Variants in SMCO2 observed in about 807,000 individuals in gnomAD.
SMCO2 encodes the protein single-pass membrane protein with coiled-coil domains 2, also known as single-pass membrane and coiled-coil domain-containing protein 2.
In SMCO2, 25 loss-of-function variants were observed where a neutral mutation model predicts 29.5. The ratio of observed to expected loss-of-function variants is 0.85; its 90% CI spans 0.62 to 1.18. SMCO2 has a LOEUF of 1.18. Ranked by LOEUF, SMCO2 falls within the 50% of genes most tolerant of loss-of-function variation. The pLI is 0.00. For synonymous variants in SMCO2, 117 were observed against 123.3 expected, an observed-to-expected ratio of 0.95 and a Z score of 0.34; for missense variants, 348 against 344.5, an observed-to-expected ratio of 1.01 and a Z score of -0.08.
At chr12:27,485,265 CTG>C (rs1949679325) in intron 4 of SMCO2, among the ~76,000 whole-genome samples, 1 of 151,882 alleles carries the variant, frequency 6.6e-6, no homozygotes, top group East Asian at 1.9e-4. Context: ...ATCTCAGACA[CTG>C]TAGTTTGTGT....
chr12:27,475,867 CTTTTG>C, intron 4 of SMCO2, 136 bp downstream of exon 5: 5 of 964,250 alleles, frequency 5.2e-6, no homozygotes, highest in Admixed American at 3.9e-5. Context: ...ATCTGTTTAT[CTTTTG>C]CTCATTTAAA....
chr12:27,471,944 T>C (rs1949544375), intron 2 of SMCO2, among the ~76,000 whole-genome samples: 1 of 152,204 alleles, frequency 6.6e-6, no homozygotes, highest in South Asian at 2.1e-4. Flanking sequence ...TTCCAATAGA[T>C]ATGCTGTGCA....
At chr12:27,427,539 C>A in the SMCO2 span, among the ~76,000 whole-genome samples, 1 of 152,126 alleles carries the variant, frequency 6.6e-6, no homozygotes, top group African/African-American at 2.4e-5. Context: ...GCTTATTTTG[C>A]CTTCCGTTTA....
chr12:27,434,661 G>GA, the SMCO2 span, among the ~76,000 whole-genome samples: 9 of 151,934 alleles, frequency 5.9e-5, no homozygotes, highest in African/African-American at 1.9e-4. Flanking sequence ...AAAACAAGAA[G>GA]AAAAAAATAC....
intron 4 of SMCO2, among the ~76,000 whole-genome samples, chr12:27,478,229 T>C (rs890212047): frequency 2.6e-5 from 4 of 152,194 alleles, no homozygotes; most frequent in Admixed American, 2.0e-4. Flanking sequence ...TGTGCTTATT[T>C]GTGGAGGCTG....
upstream of SMCO2, among the ~76,000 whole-genome samples, chr12:27,462,989 G>A (rs1189333857): frequency 2.0e-5 from 3 of 152,176 alleles, no homozygotes; most frequent in Admixed American, 6.5e-5. Context: ...TGGCTGGCAG[G>A]TGGGACAAGC....
chr12:27,454,214 G>A, the SMCO2 span, among the ~76,000 whole-genome samples: 1 of 152,128 alleles, frequency 6.6e-6, no homozygotes, highest in Non-Finnish European at 1.5e-5. Flanking sequence ...AAACTCCTGG[G>A]CTCAAGTGAT....
the SMCO2 span, among the ~76,000 whole-genome samples, chr12:27,452,305 A>G: frequency 3.3e-5 from 5 of 152,154 alleles, no homozygotes; most frequent in African/African-American, 4.8e-5. Context: ...AATAACATAC[A>G]TTGTACCCAT....
At chr12:27,477,542 C>T (rs1242799396) in intron 4 of SMCO2, among the ~76,000 whole-genome samples, 1 of 145,058 alleles carries the variant, frequency 6.9e-6, no homozygotes, top group Non-Finnish European at 1.5e-5. Context: ...CCTTTGCCCA[C>T]TTATTCTCTA....
chr12:27,461,578 G>A, the SMCO2 span, among the ~76,000 whole-genome samples: 1 of 152,172 alleles, frequency 6.6e-6, no homozygotes, highest in Non-Finnish European at 1.5e-5. Context: ...AGAACCCACG[G>A]ATAAGGAGAG....
intron 4 of SMCO2, among the ~76,000 whole-genome samples, chr12:27,484,491 G>C (rs965541097): frequency 2.0e-5 from 3 of 152,172 alleles, no homozygotes; most frequent in Non-Finnish European, 2.9e-5. Flanking sequence ...TAGTTTTGCA[G>C]AGTATATAAT....
At chr12:27,471,522 A>T (rs1201080965) in intron 2 of SMCO2, among the ~76,000 whole-genome samples, 2 of 152,094 alleles carry the variant, frequency 1.3e-5, no homozygotes, top group African/African-American at 4.8e-5. Flanking sequence ...ATTTATTGTG[A>T]CCCATTCAAA....
chr12:27,490,200 A>G (rs1949723961), intron 5 of SMCO2, among the ~76,000 whole-genome samples: 1 of 152,242 alleles, frequency 6.6e-6, no homozygotes, highest in African/African-American at 2.4e-5. Context: ...CTTCTGATTG[A>G]CCCAACAACA....
intron 4 of SMCO2, among the ~76,000 whole-genome samples, chr12:27,485,515 T>A (rs2135563443): frequency 6.6e-6 from 1 of 151,310 alleles, no homozygotes; most frequent in South Asian, 2.1e-4. Flanking sequence ...AGTGGCGTGA[T>A]CTTGGCTCAC....
rs1178356428 is a variant in SMCO2, at chr12:27,494,435, A to G, written c.507+79A>G. ...TAAATACAGGGGTCATTCATTGCCT[A>G]GAATATGACGGTGCACCACATACTA... On this transcript the variant is annotated intron_variant, in intron 6 of 7. Transcript: ENST00000298876. 1.9e-5 allele frequency: 16 copies of G among 860,008 alleles called. No individual in the cohort carries two copies. In the Admixed American group the frequency reaches 5.6e-4, roughly 30 times the overall value. The allele number at this position is 860,008 out of a possible 1,614,324, so 53.3% of individuals were successfully genotyped here.
At chr12:27,490,523 C>T (rs1046504118) in intron 5 of SMCO2, among the ~76,000 whole-genome samples, 5 of 152,090 alleles carry the variant, frequency 3.3e-5, no homozygotes, top group African/African-American at 1.2e-4. Context: ...AATTATATCT[C>T]AATAAATGTG....
At chr12:27,457,984 A>G in the SMCO2 span, among the ~76,000 whole-genome samples, 1 of 152,148 alleles carries the variant, frequency 6.6e-6, no homozygotes, top group African/African-American at 2.4e-5. Context: ...TTCCTCACAT[A>G]TTTGCAGCTT....
chr12:27,483,458 C>T (rs1949662564), intron 4 of SMCO2, among the ~76,000 whole-genome samples: 1 of 151,998 alleles, frequency 6.6e-6, no homozygotes, highest in Admixed American at 6.6e-5. Context: ...TGCTCTGTCA[C>T]CCAGGCTGGC....
chr12:27,442,633 G>A, the SMCO2 span, among the ~76,000 whole-genome samples: 2 of 152,046 alleles, frequency 1.3e-5, no homozygotes, highest in Admixed American at 1.3e-4. Flanking sequence ...TTTGAGATAG[G>A]GTCTCACTTT....
Sources: gnomAD v4.1 joint callset for allele counts (sites outside exome capture counted in the v4.1 genomes callset) on GRCh38, gnomAD v4.1.1 for gene constraint, MANE v1.5 for transcripts, NCBI Gene and HGNC (gene_info 2026-07-23, HGNC 2026-07-21) for gene names.